Variants in OSTM1 observed in about 807,000 individuals in gnomAD.
OSTM1 encodes the protein osteoclastogenesis associated transmembrane protein 1.
A neutral mutation model predicts 35.4 loss-of-function variants in OSTM1; 26 were observed. That is an observed-to-expected ratio of 0.73 (90% CI 0.54 to 1.02). OSTM1 has a LOEUF of 1.02. Among genes scored for constraint, OSTM1 ranks in the 50% least tolerant of loss-of-function variants. The pLI is 0.00. For synonymous variants in OSTM1, 181 were observed against 165.0 expected (o/e 1.10, Z -0.75); for missense variants, 366 against 409.6 (o/e 0.89, Z 0.92).
In OSTM1 at chr6:108,051,006, A is replaced by G. The variant is rs1052965056; in HGVS notation, c.783+25T>C. 3.8e-6 allele frequency: 6 copies of G among 1,570,730 alleles called. No individual in the cohort carries two copies. In the Admixed American group the frequency reaches 5.0e-5, roughly 13 times the overall value. On this transcript the variant is annotated intron_variant, in intron 4 of 5. Transcript: ENST00000193322. ...CATTCAATAACACTCTAAAATATGT[A>G]TCACATCAGAAGCAAAGTACTTACT... is the stretch of plus-strand genomic sequence containing the variant.
intron 1 of OSTM1, among the ~76,000 whole-genome samples, chr6:108,071,142 T>C (rs1194441623): frequency 4.7e-5 from 7 of 149,242 alleles, no homozygotes; most frequent in Non-Finnish European, 1.0e-4. Context: ...GAGCTGAGAT[T>C]ATGCCACTGC....
chr6:108,051,186 T>G lies in OSTM1; in HGVS notation c.628A>C (p.Ser210Arg), dbSNP rs771033171. The G allele has an allele frequency of 2.5e-5, 41 of 1,611,208 alleles. 1 individual carries two copies. The South Asian group carries it at 4.4e-4, about 17-fold the overall frequency. Residue 210 changes from serine to arginine, a missense_variant, in exon 4 of 6, where the codon AGT becomes CGT. Physicochemically the swap from Ser to Arg is moderately radical, Grantham distance 110. Around this residue, in one of 3 missense-constraint regions of OSTM1, gnomAD observed 125 missense variants for 151.7 expected, o/e 0.82. Coordinates refer to ENST00000193322, the MANE Select transcript of OSTM1 (RefSeq NM_014028.4). ...FEHNLQGNAH[S>R]LLQTKNYSEV... Reference sequence around the variant, plus strand: ...GAATAATTTTTTGTCTGTAAAAGACTATGTGCATTCCCCTAAAATGACAAA... The same window carrying G: ...GAATAATTTTTTGTCTGTAAAAGACGATGTGCATTCCCCTAAAATGACAAA...
At chr6:108,066,795 T>C (rs1772387590) in intron 1 of OSTM1, among the ~76,000 whole-genome samples, 1 of 152,174 alleles carries the variant, frequency 6.6e-6, no homozygotes, top group South Asian at 2.1e-4. Context: ...ATGCATGGTT[T>C]CTTAAAGCAT....
rs1582384448 is a variant in OSTM1 at position 108,044,729 on chromosome 6, A to G, written c.*56T>C. The G allele has an allele frequency of 2.1e-6, 2 of 959,880 alleles. No individual in the cohort carries two copies. The allele number at this position is 959,880 out of a possible 1,614,324, so 59.5% of individuals were successfully genotyped here. A position where few individuals can be genotyped will look rare whatever the true frequency, so the allele number is the denominator to read the frequency against. On this transcript the variant is annotated 3_prime_UTR_variant, in exon 6 of 6. Coordinates refer to ENST00000193322, the MANE Select transcript of OSTM1 (RefSeq NM_014028.4). The stretch of plus-strand genomic sequence containing the variant: ...ACAGTTTATCTTCTTTCTGAAACCA[A>G]GTTGTGTCTTCCACCATTCATTCAC...
chr6:108,065,644 A>G (rs1308480544), intron 1 of OSTM1, among the ~76,000 whole-genome samples: 1 of 152,166 alleles, frequency 6.6e-6, no homozygotes, highest in Non-Finnish European at 1.5e-5. Context: ...TTCAGTTTCA[A>G]AATCAGGGGT....
In OSTM1 at chr6:108,042,323, T is replaced by C. The variant is rs999317575; in HGVS notation, c.*2462A>G. Reference sequence around the variant, plus strand: ...AAAAAAAAAGAAAAAATATATCTGATGTTATTTCTATCTCTCAAGTTCAAC... The same window carrying C: ...AAAAAAAAAGAAAAAATATATCTGACGTTATTTCTATCTCTCAAGTTCAAC... On this transcript the variant is annotated 3_prime_UTR_variant, in exon 6 of 6. Transcript: ENST00000193322. 7 of 149,844 alleles carry C rather than the reference T, an allele frequency of 4.7e-5. No homozygotes were observed. The highest frequency in any genetic ancestry group is 1.7e-4 in the African/African-American group (7 of 41,120). 9.3% of individuals were successfully genotyped at this position (149,844 alleles called of 1,614,324 possible).
At chr6:108,048,787 T>C (rs1772026074) in intron 5 of OSTM1, among the ~76,000 whole-genome samples, 1 of 146,856 alleles carries the variant, frequency 6.8e-6, no homozygotes, top group South Asian at 2.2e-4. Context: ...AGTCTCACTC[T>C]GTCTCCCAGG....
At chr6:108,067,656 C>T (rs1279352685) in intron 1 of OSTM1, among the ~76,000 whole-genome samples, 1 of 151,830 alleles carries the variant, frequency 6.6e-6, no homozygotes, top group Admixed American at 6.6e-5. Context: ...CCTGGTGAAA[C>T]CCCATCTCTA....
chr6:108,049,286 G>A lies in OSTM1; in HGVS notation c.916C>T (p.His306Tyr), dbSNP rs780259047. 3.1e-6 allele frequency: 5 copies of A among 1,612,790 alleles called. No individual in the cohort carries two copies. In the Admixed American group the frequency reaches 8.3e-5, roughly 27 times the overall value. Residue 306 changes from histidine to tyrosine, a missense_variant, in exon 5 of 6, where the codon CAC becomes TAC. Physicochemically the swap from His to Tyr is moderately conservative, Grantham distance 83 (BLOSUM62 2). Around this residue, in one of 3 missense-constraint regions of OSTM1, gnomAD observed 125 missense variants for 151.7 expected, o/e 0.82. Transcript: ENST00000193322. ...PVVFYLSSFLHSEQKKRKLIL... is the reference protein window; with the variant it reads ...PVVFYLSSFLYSEQKKRKLIL... ...AGTTTGCGTTTCTTTTGCTCTGAGTGAAGAAAGCTACTAAGGTAGAAGACA... is the reference window on the plus strand; with the variant it reads ...AGTTTGCGTTTCTTTTGCTCTGAGTAAAGAAAGCTACTAAGGTAGAAGACA...
At chr6:108,052,402 T>C (rs1479900120) in intron 3 of OSTM1, among the ~76,000 whole-genome samples, 5 of 142,596 alleles carry the variant, frequency 3.5e-5, no homozygotes, top group Non-Finnish European at 7.5e-5. Context: ...CACTGCACTC[T>C]AGCCCGGGTG....
At chr6:108,064,129 C>T (rs1009715700) in intron 2 of OSTM1, 56 bp downstream of exon 2, 19 of 882,206 alleles carry the variant, frequency 2.2e-5, no homozygotes, top group Middle Eastern at 2.1e-4. Context: ...AAAATAAAAT[C>T]TGACATCTGT....
intron 2 of OSTM1, among the ~76,000 whole-genome samples, chr6:108,059,895 A>G (rs754111947): frequency 6.6e-6 from 1 of 152,194 alleles, no homozygotes; most frequent in Non-Finnish European, 1.5e-5. Flanking sequence ...TGAAATAGCT[A>G]ATCTCTCTAA....
chr6:108,074,311 G>T lies in OSTM1; in HGVS notation c.341C>A (p.Thr114Asn), dbSNP rs755135661. The change falls in exon 1 of 6, where the codon ACC becomes AAC. Residue 114 changes from threonine to asparagine, a missense_variant. Physicochemically the swap from Thr to Asn is moderately conservative, Grantham distance 65. Transcript: ENST00000193322. ...GACCTGTTGGAAGAGGGGGTAGCAG[G>T]TCTGACAGAGGCGCACGGGCCGGGC... is the stretch of plus-strand genomic sequence containing the variant. Reference protein sequence around the residue: ...RSARPVRLCQTCYPLFQQVVS... With the variant: ...RSARPVRLCQNCYPLFQQVVS... 6.2e-7 allele frequency: 1 copy of T among 1,612,310 alleles called. No homozygotes were observed. Among genetic ancestry groups the T allele is most frequent in the African/African-American group, 1.3e-5 (1 of 75,054 alleles).
At chr6:108,052,389 C>T (rs1229480094) in intron 3 of OSTM1, among the ~76,000 whole-genome samples, 3 of 149,396 alleles carry the variant, frequency 2.0e-5, no homozygotes, top group African/African-American at 4.9e-5. Context: ...GCCGAGATCG[C>T]GCCACTGCAC....
At chr6:108,067,508 G>A (rs1002575508) in intron 1 of OSTM1, among the ~76,000 whole-genome samples, 2 of 138,704 alleles carry the variant, frequency 1.4e-5, no homozygotes, top group African/African-American at 2.6e-5. Context: ...GCAGGACAGA[G>A]GAATGGAGGG....
chr6:108,052,470 A>G (rs9285396), intron 3 of OSTM1, among the ~76,000 whole-genome samples: 52,843 of 138,268 alleles, frequency 0.38, 11,671 homozygotes, highest in East Asian at 0.58. Flanking sequence ...AATCCATTTA[A>G]CTAAAATTGT....
chr6:108,061,967 A>G (rs1377444501), intron 2 of OSTM1, among the ~76,000 whole-genome samples: 2 of 152,156 alleles, frequency 1.3e-5, no homozygotes, highest in South Asian at 2.1e-4. Flanking sequence ...AAGACTCCCA[A>G]TGGATGCTTG....
intron 5 of OSTM1, among the ~76,000 whole-genome samples, chr6:108,047,948 A>G (rs1449332797): frequency 2.6e-5 from 4 of 152,226 alleles, no homozygotes; most frequent in Admixed American, 1.3e-4. Context: ...TAGTTTCTCA[A>G]TGGTGAGGTG....
At chr6:108,061,967 A>C (rs1377444501) in intron 2 of OSTM1, among the ~76,000 whole-genome samples, 1 of 152,156 alleles carries the variant, frequency 6.6e-6, no homozygotes, top group African/African-American at 2.4e-5. Flanking sequence ...AAGACTCCCA[A>C]TGGATGCTTG....
Sources: allele counts gnomAD v4.1 joint callset (sites outside exome capture counted in the v4.1 genomes callset), GRCh38; gene constraint gnomAD v4.1.1; regional missense constraint gnomAD v4.1.1; transcripts MANE v1.5; gene names NCBI Gene and HGNC (gene_info 2026-07-23, HGNC 2026-07-21).